The following DLGAP1 variants were observed in gnomAD, a reference collection of about 807,000 sequenced individuals.
DLGAP1 encodes the protein disks large-associated protein 1.
A neutral mutation model predicts 90.8 loss-of-function variants in DLGAP1; 11 were observed. That is an observed-to-expected ratio of 0.12 (90% CI 0.08 to 0.20). DLGAP1 has a LOEUF of 0.20. Among genes scored for constraint, DLGAP1 ranks in the 10% least tolerant of loss-of-function variants. The pLI is 1.00. For synonymous variants in DLGAP1, 558 were observed against 540.7 expected (o/e 1.03, Z -0.44); for missense variants, 1,050 against 1,333.8 (o/e 0.79, Z 3.31).
chr18:4,344,151 A>G (rs987640058), intron 1 of DLGAP1, among the ~76,000 whole-genome samples: 9 of 152,230 alleles, frequency 5.9e-5, no homozygotes, highest in Admixed American at 4.6e-4. Flanking sequence ...AATGCATTTA[A>G]GAAGAATAAT....
chr18:3,798,829 T>C (rs1391590790), intron 5 of DLGAP1, among the ~76,000 whole-genome samples: 1 of 152,190 alleles, frequency 6.6e-6, no homozygotes, highest in East Asian at 1.9e-4. Flanking sequence ...AATTTAAAAA[T>C]TTTAACATTC....
intron 3 of DLGAP1, among the ~76,000 whole-genome samples, chr18:3,912,036 A>G (rs924558542): frequency 1.3e-5 from 2 of 152,296 alleles, no homozygotes; most frequent in South Asian, 2.1e-4. Context: ...CTTCAGGCTG[A>G]TATGTGCTGA....
chr18:3,929,082 A>C lies in DLGAP1; in HGVS notation c.-72-48942T>G, dbSNP rs573763181. Among the ~76,000 whole-genome samples, 4 of 152,266 alleles carry C rather than the reference A, an allele frequency of 2.6e-5. No individual in the cohort carries two copies. In the South Asian group the frequency reaches 6.2e-4, roughly 24 times the overall value. On this transcript the variant is annotated intron_variant, in intron 3 of 12. Transcript: ENST00000315677. ...TTCTACTATCATTGTAAGTTTCCTG[A>C]GGTCTCCCAGCCATGGAGAACTGTG...
intron 4 of DLGAP1, among the ~76,000 whole-genome samples, chr18:3,858,528 G>GCACA (rs148706272): frequency 0.061 from 8,603 of 139,964 alleles, 288 homozygotes; most frequent in South Asian, 0.15. Flanking sequence ...ATATATATAT[G>GCACA]CACACACACA....
intron 5 of DLGAP1, among the ~76,000 whole-genome samples, chr18:3,773,942 A>G (rs1363939415): frequency 6.6e-6 from 1 of 152,220 alleles, no homozygotes; most frequent in Non-Finnish European, 1.5e-5. Flanking sequence ...TGGGAATCCA[A>G]GCTGGGAAAT....
intron 2 of DLGAP1, among the ~76,000 whole-genome samples, chr18:4,136,557 C>T (rs991704150): frequency 2.0e-5 from 3 of 152,134 alleles, no homozygotes; most frequent in Non-Finnish European, 2.9e-5. Flanking sequence ...AGTGTCTATT[C>T]AGATATTTTG....
At chr18:4,281,501 C>A (rs116010976) in intron 1 of DLGAP1, among the ~76,000 whole-genome samples, 1 of 152,108 alleles carries the variant, frequency 6.6e-6, no homozygotes, top group African/African-American at 2.4e-5. Context: ...TTGCAGTGAA[C>A]GGAGATTGCG....
chr18:3,944,305 G>T (rs1276775724), intron 3 of DLGAP1, among the ~76,000 whole-genome samples: 1 of 152,168 alleles, frequency 6.6e-6, no homozygotes, highest in African/African-American at 2.4e-5. Flanking sequence ...AGACCAGCCT[G>T]GCCAAGATGG....
chr18:4,265,465 A>C (rs1415044207), intron 1 of DLGAP1, among the ~76,000 whole-genome samples: 2 of 131,692 alleles, frequency 1.5e-5, no homozygotes, highest in African/African-American at 2.8e-5. Flanking sequence ...CACTGCACCC[A>C]GCCCCTTCCT....
chr18:3,575,695 A>C (rs1473730382), intron 8 of DLGAP1, among the ~76,000 whole-genome samples: 2 of 152,042 alleles, frequency 1.3e-5, no homozygotes, highest in African/African-American at 2.4e-5. Flanking sequence ...ATAAGAAAAC[A>C]AAAAAAATTT....
intron 1 of DLGAP1, chr18:4,248,545 A>T (rs1202088405): frequency 6.6e-6 from 1 of 152,162 alleles, no homozygotes; most frequent in East Asian, 1.9e-4. Flanking sequence ...GGGAAAGGGG[A>T]GACATTTAGA....
chr18:4,305,172 C>A (rs372872200), intron 1 of DLGAP1, among the ~76,000 whole-genome samples: 1 of 151,788 alleles, frequency 6.6e-6, no homozygotes, highest in South Asian at 2.1e-4. Flanking sequence ...TGTGCTTATG[C>A]GGTGAAGGAA....
chr18:4,058,116 C>T (rs1311131022), intron 2 of DLGAP1, among the ~76,000 whole-genome samples: 1 of 152,098 alleles, frequency 6.6e-6, no homozygotes, highest in East Asian at 1.9e-4. Context: ...GTTTCCTCTG[C>T]TTTTTCAACT....
chr18:3,709,459 T>C (rs2061535575), intron 7 of DLGAP1, among the ~76,000 whole-genome samples: 2 of 152,212 alleles, frequency 1.3e-5, no homozygotes, highest in South Asian at 4.1e-4. Flanking sequence ...TGACCTGAAG[T>C]TGAGTTCTCA....
At chr18:4,439,302 C>T (rs534313116) in intron 1 of DLGAP1, among the ~76,000 whole-genome samples, 7 of 152,340 alleles carry the variant, frequency 4.6e-5, no homozygotes, top group African/African-American at 1.7e-4. Flanking sequence ...CAAACCAAAC[C>T]TTTAAATCCA....
chr18:4,289,226 T>C (rs1419172159), intron 1 of DLGAP1, among the ~76,000 whole-genome samples: 1 of 152,082 alleles, frequency 6.6e-6, no homozygotes, highest in African/African-American at 2.4e-5. Context: ...CTTTCTTGTG[T>C]GTTTGTCTAG....
At chr18:3,652,550 C>G (rs1051359579) in intron 7 of DLGAP1, among the ~76,000 whole-genome samples, 2 of 152,112 alleles carry the variant, frequency 1.3e-5, no homozygotes, top group Admixed American at 6.5e-5. Flanking sequence ...GGCTCACGGC[C>G]GTCTTGAACT....
At chr18:3,686,625 GGAAGTGAAGA>G (rs111779581) in intron 7 of DLGAP1, among the ~76,000 whole-genome samples, 20,261 of 152,000 alleles carry the variant, frequency 0.13, 2,913 homozygotes, top group African/African-American at 0.36. Flanking sequence ...AGTTGCCCCA[GGAAGTGAAGA>G]GATCTAGCCT....
intron 2 of DLGAP1, among the ~76,000 whole-genome samples, chr18:4,113,567 T>G (rs1365279944): frequency 2.0e-5 from 3 of 152,152 alleles, no homozygotes; most frequent in Non-Finnish European, 4.4e-5. Flanking sequence ...ATTCTGTAGG[T>G]TATCTGTTTA....
Sources: allele counts gnomAD v4.1 joint callset (sites outside exome capture counted in the v4.1 genomes callset), GRCh38; gene constraint gnomAD v4.1.1; transcripts MANE v1.5; gene names NCBI Gene and HGNC (gene_info 2026-07-23, HGNC 2026-07-21).